NLGN1: variants seen among roughly 807,000 people sequenced by gnomAD.
NLGN1 encodes neuroligin-1.
In NLGN1, 12 loss-of-function variants were observed where a neutral mutation model predicts 65.5. That is an observed-to-expected ratio of 0.18 (90% CI 0.12 to 0.30). NLGN1 has a LOEUF of 0.30. NLGN1 is among the 10% of genes least tolerant of loss of function. The pLI, the probability that NLGN1 is intolerant of heterozygous loss-of-function variation, is 1.00. For synonymous variants in NLGN1, 350 were observed against 359.5 expected (o/e 0.97, Z 0.30); for missense variants, 750 against 1,007.1 (o/e 0.74, Z 3.46).
chr3:174,007,597 G>C (rs967900212), intron 4 of NLGN1, among the ~76,000 whole-genome samples: 1 of 152,170 alleles, frequency 6.6e-6, no homozygotes, highest in Non-Finnish European at 1.5e-5. Flanking sequence ...TCCCCAGCTA[G>C]GAGATAATTT....
chr3:173,417,174 A>G (rs114991000), intron 1 of NLGN1, among the ~76,000 whole-genome samples: 1,753 of 152,060 alleles, frequency 0.012, 18 homozygotes, highest in Non-Finnish European at 0.018. Flanking sequence ...GGTAATATCT[A>G]TGGTGTCGCA....
chr3:173,676,327 T>C (rs1763167610), intron 3 of NLGN1, among the ~76,000 whole-genome samples: 1 of 152,064 alleles, frequency 6.6e-6, no homozygotes, highest in South Asian at 2.1e-4. Context: ...AGATGGAAAT[T>C]GGAACAAACA....
intron 4 of NLGN1, among the ~76,000 whole-genome samples, chr3:174,228,790 G>C (rs1185111227): frequency 6.6e-6 from 1 of 151,974 alleles, no homozygotes; most frequent in Admixed American, 6.6e-5. Flanking sequence ...CAAAAAAGTG[G>C]TGTTTCTATT....
rs1738473102 is a variant in NLGN1, at chr3:173,539,820, GT to G, written c.-320-64457del. Among the ~76,000 whole-genome samples, 9 of 115,108 alleles carry G rather than the reference GT, an allele frequency of 7.8e-5. No individual in the cohort carries two copies. The South Asian group carries it at 1.3e-3, about 17-fold the overall frequency. 75.5% of individuals were successfully genotyped at this position (115,108 alleles called of 152,430 possible). On this transcript the variant is annotated intron_variant, in intron 2 of 6. Transcript: ENST00000457714. Reference sequence around the variant, plus strand: ...TACATATATATACATATATACATATGTTATATATGTATATATGTTATATATA... The same window carrying G: ...TACATATATATACATATATACATATGTATATATGTATATATGTTATATATA...
chr3:174,251,550 C>T (rs943066762), intron 4 of NLGN1, among the ~76,000 whole-genome samples: 1 of 152,152 alleles, frequency 6.6e-6, no homozygotes, highest in Admixed American at 6.6e-5. Context: ...GGCCTTTCCT[C>T]TTAGATAAGC....
chr3:174,093,210 G>C (rs1013100387), intron 4 of NLGN1, among the ~76,000 whole-genome samples: 2 of 152,128 alleles, frequency 1.3e-5, no homozygotes, highest in African/African-American at 4.8e-5. Flanking sequence ...TTCAGCAAAC[G>C]CAATTTTGCA....
chr3:173,425,977 A>T (rs1186125992), intron 1 of NLGN1, among the ~76,000 whole-genome samples: 1 of 151,668 alleles, frequency 6.6e-6, no homozygotes, highest in Non-Finnish European at 1.5e-5. Flanking sequence ...ATGTCTTTTA[A>T]TTTTTTGTGT....
intron 4 of NLGN1, among the ~76,000 whole-genome samples, chr3:174,112,305 A>G (rs1009205432): frequency 1.3e-5 from 2 of 152,002 alleles, no homozygotes; most frequent in African/African-American, 4.8e-5. Flanking sequence ...ATGGAAATCA[A>G]TTAAAAATTT....
At chr3:174,290,556 G>A (rs1752652157), downstream of NLGN1, among the ~76,000 whole-genome samples, 1 of 150,974 alleles carries the variant, frequency 6.6e-6, no homozygotes, top group South Asian at 2.1e-4. Flanking sequence ...AAACAATAAA[G>A]AAAACGAATA....
At chr3:173,616,086 G>A (rs1753025582) in intron 3 of NLGN1, among the ~76,000 whole-genome samples, 1 of 142,634 alleles carries the variant, frequency 7.0e-6, no homozygotes, top group Admixed American at 7.3e-5. Flanking sequence ...GGAACACACA[G>A]GAGAGGTATC....
chr3:173,464,025 A>G (rs961836733), intron 2 of NLGN1, among the ~76,000 whole-genome samples: 13 of 152,028 alleles, frequency 8.6e-5, no homozygotes, highest in African/African-American at 2.7e-4. Flanking sequence ...AACATCCTCA[A>G]TCATTTCTAA....
At chr3:173,993,426 C>A (rs531738404) in intron 4 of NLGN1, among the ~76,000 whole-genome samples, 54 of 152,298 alleles carry the variant, frequency 3.5e-4, no homozygotes, top group African/African-American at 1.3e-3. Context: ...ATATGATTCA[C>A]TCTCTTTGTT....
chr3:173,993,772 A>G (rs913253062), intron 4 of NLGN1, among the ~76,000 whole-genome samples: 2 of 151,756 alleles, frequency 1.3e-5, no homozygotes, highest in Admixed American at 6.6e-5. Flanking sequence ...TAGTGTGTGT[A>G]TATATATATA....
intron 2 of NLGN1, among the ~76,000 whole-genome samples, chr3:173,444,278 T>C (rs1419056262): frequency 1.3e-5 from 2 of 152,228 alleles, no homozygotes; most frequent in African/African-American, 2.4e-5. Flanking sequence ...AAACGATAGA[T>C]GTCTGTGGCT....
chr3:173,681,244 GTTTTTTCC>G (rs1763902616), intron 3 of NLGN1, among the ~76,000 whole-genome samples: 1 of 152,094 alleles, frequency 6.6e-6, no homozygotes, highest in South Asian at 2.1e-4. Flanking sequence ...AACATGAAAT[GTTTTTTCC>G]AAGCTAAGGT....
chr3:174,119,770 A>G (rs914126384), intron 4 of NLGN1, among the ~76,000 whole-genome samples: 1 of 152,220 alleles, frequency 6.6e-6, no homozygotes, highest in African/African-American at 2.4e-5. Context: ...TAACTTCTGT[A>G]GAATACTAGT....
At chr3:173,532,429 C>T (rs1336671557) in intron 2 of NLGN1, among the ~76,000 whole-genome samples, 2 of 152,108 alleles carry the variant, frequency 1.3e-5, no homozygotes, top group Non-Finnish European at 2.9e-5. Flanking sequence ...TTTGCATTTT[C>T]GTATAGCCTA....
chr3:173,579,320 C>T (rs1746021380), intron 2 of NLGN1, among the ~76,000 whole-genome samples: 2 of 152,140 alleles, frequency 1.3e-5, no homozygotes, highest in South Asian at 4.1e-4. Flanking sequence ...GAAAAAAATA[C>T]AAAAATTAGC....
intron 4 of NLGN1, among the ~76,000 whole-genome samples, chr3:173,903,475 T>C (rs886235024): frequency 2.0e-5 from 3 of 152,184 alleles, no homozygotes; most frequent in African/African-American, 7.2e-5. Context: ...ATCTGAAATA[T>C]ATTTATGTAA....
Sources: gnomAD v4.1 joint callset for allele counts (sites outside exome capture counted in the v4.1 genomes callset) on GRCh38, gnomAD v4.1.1 for gene constraint, MANE v1.5 for transcripts, NCBI Gene and HGNC (gene_info 2026-07-23, HGNC 2026-07-21) for gene names.